Variants in RETREG1 observed in about 807,000 individuals in gnomAD.
RETREG1 encodes the protein family with sequence similarity 134 member B.
RETREG1 carries 44 observed loss-of-function variants against 54.8 expected under a neutral mutation model. The observed-to-expected ratio is 0.80, with a 90% CI of 0.63 to 1.03. The LOEUF (loss-of-function observed/expected upper bound fraction) is 1.03, where lower values mean the gene tolerates loss of function less well. Among genes scored for constraint, RETREG1 ranks in the 50% least tolerant of loss-of-function variants. RETREG1 has a pLI of 0.00. For missense variants in RETREG1, 554 were observed against 605.1 expected (o/e 0.92, Z 0.89); for synonymous variants, 217 against 238.5 (o/e 0.91, Z 0.83).
At chr5:16,592,173 T>G (rs1304776336) in intron 1 of RETREG1, among the ~76,000 whole-genome samples, 6 of 152,186 alleles carry the variant, frequency 3.9e-5, no homozygotes, top group Non-Finnish European at 8.8e-5. Context: ...AAGTCCACTG[T>G]ACCAAAAAAG....
At chr5:16,580,593 G>C (rs1742453039) in intron 1 of RETREG1, among the ~76,000 whole-genome samples, 1 of 152,186 alleles carries the variant, frequency 6.6e-6, no homozygotes, top group Admixed American at 6.5e-5. Context: ...AGAAACGTGT[G>C]GTAACCATGG....
At position 16,492,199 on chromosome 5, in the gene RETREG1, C is replaced by CCTCTCT. The variant is rs369038338; in HGVS notation, c.459-8733_459-8728dup. ...GGAGAACATTTTCAGACAGTGTTGT[C>CCTCTCT]CTCTCTCTCTCTCTCTCTCTCTCTC... On this transcript the variant is annotated intron_variant, in intron 3 of 8. Transcript: ENST00000306320. 2.7e-3 allele frequency among the ~76,000 whole-genome samples: 371 copies of CCTCTCT among 136,034 alleles called. 4 individuals carry two copies. In the East Asian group the frequency reaches 0.03, roughly 11 times the overall value. 89.2% of individuals were successfully genotyped at this position (136,034 alleles called of 152,430 possible). A position where few individuals can be genotyped will look rare whatever the true frequency, so the allele number is the denominator to read the frequency against.
chr5:16,610,678 G>A (rs1419461425), intron 1 of RETREG1, among the ~76,000 whole-genome samples: 1 of 152,230 alleles, frequency 6.6e-6, no homozygotes, highest in Non-Finnish European at 1.5e-5. Flanking sequence ...CTGGCCATCA[G>A]AGAAATGCAA....
intron 3 of RETREG1, among the ~76,000 whole-genome samples, chr5:16,539,944 T>G (rs910245939): frequency 6.6e-6 from 1 of 152,228 alleles, no homozygotes; most frequent in African/African-American, 2.4e-5. Context: ...CATTTTTAAG[T>G]GAACAGATAA....
chr5:16,544,087 T>C (rs1192694915), intron 3 of RETREG1, among the ~76,000 whole-genome samples: 1 of 151,164 alleles, frequency 6.6e-6, no homozygotes, highest in Non-Finnish European at 1.5e-5. Flanking sequence ...GCAATTCTTC[T>C]GCCTCAGCCT....
At chr5:16,482,987 T>C in intron 4 of RETREG1, 1 of 213,648 alleles carries the variant, frequency 4.7e-6, no homozygotes, top group East Asian at 1.2e-4. Flanking sequence ...CAAAGAACTA[T>C]GTATTCATTT....
intron 3 of RETREG1, among the ~76,000 whole-genome samples, chr5:16,507,669 ATTATAAT>A (rs1318432082): frequency 6.6e-6 from 1 of 152,186 alleles, no homozygotes; most frequent in Non-Finnish European, 1.5e-5. Flanking sequence ...ACTACAACTG[ATTATAAT>A]TACCACACAC....
chr5:16,590,125 G>C (rs186426737), intron 1 of RETREG1, among the ~76,000 whole-genome samples: 1 of 152,298 alleles, frequency 6.6e-6, no homozygotes, highest in East Asian at 1.9e-4. Flanking sequence ...CCTCAGATGA[G>C]AATGAATGTT....
chr5:16,572,612 G>T (rs1224544423), intron 1 of RETREG1, among the ~76,000 whole-genome samples: 1 of 152,152 alleles, frequency 6.6e-6, no homozygotes, highest in Non-Finnish European at 1.5e-5. Flanking sequence ...GCGCGCTTTT[G>T]TGCTAAGCTT....
chr5:16,512,370 G>A (rs1194840263), intron 3 of RETREG1, among the ~76,000 whole-genome samples: 2 of 152,118 alleles, frequency 1.3e-5, no homozygotes, highest in Non-Finnish European at 2.9e-5. Flanking sequence ...AGAAGCCCAA[G>A]GGACCAGATA....
At chr5:16,489,082 C>CAAAAAAAAAAAAAA in intron 3 of RETREG1, among the ~76,000 whole-genome samples, 1 of 62,934 alleles carries the variant, frequency 1.6e-5, no homozygotes, top group Non-Finnish European at 2.8e-5. Flanking sequence ...GATTCTGTCT[C>CAAAAAAAAAAAAAA]AAAAAAAAAA....
At chr5:16,528,490 A>G (rs76379839) in intron 3 of RETREG1, among the ~76,000 whole-genome samples, 4,716 of 152,214 alleles carry the variant, frequency 0.031, 242 homozygotes, top group African/African-American at 0.11. Context: ...GACAGGAGTC[A>G]GCTCTGGATG....
At chr5:16,517,077 T>C (rs1301600881) in intron 3 of RETREG1, among the ~76,000 whole-genome samples, 6 of 152,024 alleles carry the variant, frequency 3.9e-5, no homozygotes, top group Admixed American at 1.3e-4. Flanking sequence ...GAGGAAGATA[T>C]AGCTAATAGG....
chr5:16,490,869 AAGCTACACAAAT>A (rs1297226591), intron 3 of RETREG1, among the ~76,000 whole-genome samples: 1 of 152,240 alleles, frequency 6.6e-6, no homozygotes, highest in East Asian at 1.9e-4. Flanking sequence ...CCTAAATGCC[AAGCTACACAAAT>A]AGAAATCAAA....
In RETREG1 at chr5:16,585,031, T is replaced by A. The variant is rs886345409; in HGVS notation, c.321-12929A>T. Among the ~76,000 whole-genome samples, 1 of 152,090 alleles carries A rather than the reference T, an allele frequency of 6.6e-6. No individual in the cohort carries two copies. Among genetic ancestry groups the A allele is most frequent in the African/African-American group, 2.4e-5 (1 of 41,414 alleles). On this transcript the variant is annotated intron_variant, in intron 1 of 8. Coordinates refer to ENST00000306320, the MANE Select transcript of RETREG1 (RefSeq NM_001034850.3). This position sits in a 1 kb window ranked among gnomAD's most constrained non-coding sequence, Gnocchi z 4.5. ...TTGTGATGGCCAAGAAAATGAATTA[T>A]AAGCATCAGAGGAGAGGAAAAGAGG...
At chr5:16,567,694 C>T (rs1335610874) in intron 2 of RETREG1, among the ~76,000 whole-genome samples, 4 of 152,130 alleles carry the variant, frequency 2.6e-5, no homozygotes, top group African/African-American at 9.7e-5. Flanking sequence ...CGCTGACTCA[C>T]ACCTGTAATT....
In RETREG1 at chr5:16,489,057, T is replaced by A. The variant is rs1739142803; in HGVS notation, c.459-5585A>T. On this transcript the variant is annotated intron_variant, in intron 3 of 8. Transcript: ENST00000306320. ...GAGATAGCGCCACTGCACTCCAGCC[T>A]GGGCAACAGAGCGAGATTCTGTCTC... 3.5e-5 allele frequency among the ~76,000 whole-genome samples: 4 copies of A among 113,446 alleles called. No homozygotes were observed. The Admixed American group carries it at 5.4e-4, about 15-fold the overall frequency. The allele number at this position is 113,446 out of a possible 152,430, so 74.4% of individuals were successfully genotyped here.
chr5:16,594,766 G>T lies in RETREG1; in HGVS notation c.320+21886C>A, dbSNP rs1742854063. 6.6e-6 allele frequency among the ~76,000 whole-genome samples: 1 copy of T among 152,182 alleles called. No individual in the cohort carries two copies. Among genetic ancestry groups the T allele is most frequent in the East Asian group, 1.9e-4 (1 of 5,186 alleles). On this transcript the variant is annotated intron_variant, in intron 1 of 8. Coordinates refer to ENST00000306320, the MANE Select transcript of RETREG1 (RefSeq NM_001034850.3). The surrounding 1 kb of genome is among the most constrained non-coding windows in gnomAD (Gnocchi z 4.4). ...ACAACCACACAAAGCATTTTTCATAGACTACCATCACAAACTGGCTAAAAG... is the reference window on the plus strand; with the variant it reads ...ACAACCACACAAAGCATTTTTCATATACTACCATCACAAACTGGCTAAAAG...
intron 1 of RETREG1, among the ~76,000 whole-genome samples, chr5:16,574,680 A>G (rs1331155969): frequency 2.0e-5 from 3 of 152,144 alleles, no homozygotes; most frequent in Non-Finnish European, 4.4e-5. Flanking sequence ...TAAAATGTAG[A>G]TTCCCAGGCC....
Sources: gnomAD v4.1 joint callset for allele counts (sites outside exome capture counted in the v4.1 genomes callset) on GRCh38, gnomAD v4.1.1 for gene constraint, Gnocchi (gnomAD v3.1) non-coding constraint, MANE v1.5 for transcripts, NCBI Gene and HGNC (gene_info 2026-07-23, HGNC 2026-07-21) for gene names.